TMEM71: variants seen among roughly 807,000 people sequenced by gnomAD.
TMEM71 encodes the protein transmembrane protein 71.
A neutral mutation model predicts 38.0 loss-of-function variants in TMEM71; 44 were observed. The ratio of observed to expected loss-of-function variants is 1.16; its 90% CI spans 0.91 to 1.49. The LOEUF is 1.49. TMEM71 is among the 40% of genes most tolerant of loss of function. The probability of loss-of-function intolerance (pLI) is 0.00; values close to 1 mark genes in which losing one functional copy is unlikely to be tolerated. For missense variants in TMEM71, 367 were observed against 348.6 expected (o/e 1.05, Z -0.42); for synonymous variants, 133 against 122.5 (o/e 1.09, Z -0.56).
At chr8:132,728,629 T>C (rs1162839941) in intron 5 of TMEM71, among the ~76,000 whole-genome samples, 3 of 152,228 alleles carry the variant, frequency 2.0e-5, no homozygotes, top group East Asian at 1.9e-4. Context: ...GCATCTTCAA[T>C]GACACTGAAG....
rs1827233645 is a variant in TMEM71, at chr8:132,727,826, A to G, written c.648T>C (p.Arg216=). 1.2e-6 allele frequency: 2 copies of G among 1,612,768 alleles called. No individual in the cohort carries two copies. The highest frequency in any genetic ancestry group is 1.3e-5 in the African/African-American group (1 of 74,838). The change falls in exon 6 of 10, where the codon CGT becomes CGC. Residue 216 remains arginine (R), a synonymous_variant. Transcript: ENST00000677595. ...SLQSQLTASE[R]FQENSSDHSE... is the part of the protein sequence containing the mutation. ...AATGATCCGAACTATTCTCTTGGAAACGTTCAGAAGCTGTCAACTGGGACT... is the reference window on the plus strand; with the variant it reads ...AATGATCCGAACTATTCTCTTGGAAGCGTTCAGAAGCTGTCAACTGGGACT...
chr8:132,735,545 G>A (rs140001683), intron 5 of TMEM71, among the ~76,000 whole-genome samples: 51 of 152,266 alleles, frequency 3.3e-4, no homozygotes, highest in Non-Finnish European at 6.5e-4. Context: ...TTCTGTGTGC[G>A]CCCAGGTTGA....
upstream of TMEM71, among the ~76,000 whole-genome samples, chr8:132,765,111 A>G (rs575404574): frequency 6.6e-6 from 1 of 152,252 alleles, no homozygotes; most frequent in Admixed American, 6.5e-5. Flanking sequence ...GTAAGCTTTT[A>G]TTTTCCCACT....
At chr8:132,762,727 C>T (rs1256511607), upstream of TMEM71, among the ~76,000 whole-genome samples, 3 of 152,182 alleles carry the variant, frequency 2.0e-5, no homozygotes, top group Non-Finnish European at 4.4e-5. Flanking sequence ...GTAAGTAGAG[C>T]TAGGATTCAA....
upstream of TMEM71, among the ~76,000 whole-genome samples, chr8:132,761,068 C>G (rs774718253): frequency 2.6e-5 from 4 of 152,196 alleles, no homozygotes; most frequent in Non-Finnish European, 5.9e-5. Context: ...GGTTGGACTT[C>G]ACAAAAAACT....
chr8:132,746,494 TATAC>T (rs1420532134), intron 5 of TMEM71, among the ~76,000 whole-genome samples: 1 of 133,922 alleles, frequency 7.5e-6, no homozygotes, highest in Non-Finnish European at 1.6e-5. Context: ...TATACATATA[TATAC>T]ATATATATGT....
chr8:132,720,438 A>G (rs1460145571), intron 7 of TMEM71, among the ~76,000 whole-genome samples: 1 of 152,222 alleles, frequency 6.6e-6, no homozygotes, highest in African/African-American at 2.4e-5. Context: ...TTCCTTCACC[A>G]CATTATTTCA....
At chr8:132,743,117 GGACACAGCCAAACCGTATCAT>G (rs1392546323) in intron 5 of TMEM71, among the ~76,000 whole-genome samples, 3 of 152,148 alleles carry the variant, frequency 2.0e-5, no homozygotes, top group Non-Finnish European at 4.4e-5. Context: ...ATTTGGGTGG[GGACACAGCCAAACCGTATCAT>G]GACACATGCT....
intron 6 of TMEM71, 56 bp downstream of exon 6, chr8:132,727,742 G>T (rs1827226459): frequency 1.4e-6 from 2 of 1,452,688 alleles, no homozygotes; most frequent in Non-Finnish European, 9.4e-7. Flanking sequence ...TCATTCTCAG[G>T]CTCTGAAAGG....
At chr8:132,713,546 CT>C (rs1360064443) in intron 9 of TMEM71, among the ~76,000 whole-genome samples, 30 of 152,096 alleles carry the variant, frequency 2.0e-4, no homozygotes, top group African/African-American at 6.8e-4. Context: ...CCCAGTAACC[CT>C]TTGAAATATG....
chr8:132,729,438 G>C (rs1827329131), intron 5 of TMEM71, among the ~76,000 whole-genome samples: 1 of 152,168 alleles, frequency 6.6e-6, no homozygotes, highest in South Asian at 2.1e-4. Context: ...TTATGATCTT[G>C]GGTAAGAATT....
At chr8:132,768,872 C>T in the TMEM71 span, among the ~76,000 whole-genome samples, 1 of 152,256 alleles carries the variant, frequency 6.6e-6, no homozygotes, top group African/African-American at 2.4e-5. Context: ...GGCCAAGAGG[C>T]CAGACATTTA....
chr8:132,747,054 G>C lies in TMEM71; in HGVS notation c.375C>G (p.Thr125=), dbSNP rs746547591. The C allele has an allele frequency of 2.2e-5, 36 of 1,613,528 alleles. No individual in the cohort carries two copies. Among genetic ancestry groups the C allele is most frequent in the Non-Finnish European group, 3.0e-5 (35 of 1,179,818 alleles). Residue 125 remains threonine, a synonymous_variant, in exon 5 of 10, where the codon ACC becomes ACG. Coordinates refer to ENST00000677595, the MANE Select transcript of TMEM71 (RefSeq NM_001382403.1). The stretch of plus-strand genomic sequence containing the variant: ...TACTTCCATGCAGCCAAGATTTGGA[G>C]GTACTGAGGTTGAAGAGAGAAGAAA... ...HSFSSLFNLS[T]SKSWLHGSIF...
intron 6 of TMEM71, among the ~76,000 whole-genome samples, chr8:132,725,094 A>G (rs752145464): frequency 6.7e-6 from 1 of 148,930 alleles, no homozygotes; most frequent in South Asian, 2.1e-4. Context: ...GCTGCAGTGC[A>G]GTGCATGATC....
intron 5 of TMEM71, among the ~76,000 whole-genome samples, chr8:132,735,382 T>C (rs1235948991): frequency 2.0e-5 from 3 of 152,186 alleles, no homozygotes; most frequent in Non-Finnish European, 4.4e-5. Context: ...AGCAAAACAA[T>C]TTAATTTTGA....
At chr8:132,727,653 G>C (rs970087522) in intron 6 of TMEM71, 145 bp downstream of exon 6, 1 of 634,020 alleles carries the variant, frequency 1.6e-6, no homozygotes, top group Non-Finnish European at 2.7e-6. Flanking sequence ...GGTCACCTGG[G>C]CTTTGGCAGA....
chr8:132,741,156 A>G (rs1302199991), intron 5 of TMEM71, among the ~76,000 whole-genome samples: 1 of 152,114 alleles, frequency 6.6e-6, no homozygotes, highest in African/African-American at 2.4e-5. Flanking sequence ...CGAGGTCAGG[A>G]GATCAAGACC....
upstream of TMEM71, among the ~76,000 whole-genome samples, chr8:132,761,522 C>T (rs1441271257): frequency 6.6e-6 from 1 of 152,224 alleles, no homozygotes; most frequent in Non-Finnish European, 1.5e-5. Flanking sequence ...TCATCCTTTC[C>T]TGGGGTTCCC....
intron 6 of TMEM71, among the ~76,000 whole-genome samples, chr8:132,724,125 A>G (rs2131044432): frequency 6.6e-6 from 1 of 152,358 alleles, no homozygotes; most frequent in South Asian, 2.1e-4. Flanking sequence ...AAACAGGGAC[A>G]GGGCAAAATC....
Sources: gnomAD v4.1 joint callset for allele counts (sites outside exome capture counted in the v4.1 genomes callset) on GRCh38, gnomAD v4.1.1 for gene constraint, MANE v1.5 for transcripts, NCBI Gene and HGNC (gene_info 2026-07-23, HGNC 2026-07-21) for gene names.